CAPN13: variants seen among roughly 807,000 people sequenced by gnomAD.
CAPN13 encodes the protein calpain 13.
A neutral mutation model predicts 98.4 loss-of-function variants in CAPN13; 90 were observed. The observed-to-expected ratio is 0.92, with a 90% CI of 0.77 to 1.09. The LOEUF is 1.09. CAPN13 is among the 50% of genes least tolerant of loss of function. The pLI is 0.00. For synonymous variants in CAPN13, 330 were observed against 305.5 expected, an observed-to-expected ratio of 1.08 and a Z score of -0.84; for missense variants, 887 against 841.3, an observed-to-expected ratio of 1.05 and a Z score of -0.67.
At chr2:30,741,647 C>T in intron 15 of CAPN13, 1 of 1,316,960 alleles carries the variant, frequency 7.6e-7, no homozygotes. Flanking sequence ...ATGCACCTCA[C>T]ACCCCATAAT....
intron 6 of CAPN13, among the ~76,000 whole-genome samples, chr2:30,763,534 G>A (rs181385214): frequency 3.7e-4 from 56 of 152,350 alleles, no homozygotes; most frequent in African/African-American, 1.3e-3. Context: ...CTGCATCTTG[G>A]GCTTCTGGTG....
chr2:30,757,975 C>T (rs1672542258), intron 8 of CAPN13, 71 bp downstream of exon 8: 2 of 1,209,674 alleles, frequency 1.7e-6, no homozygotes, highest in Non-Finnish European at 2.3e-6. Context: ...AGCCCCTGCT[C>T]TCATGGGCAG....
chr2:30,782,213 T>G (rs2030384), intron 2 of CAPN13, among the ~76,000 whole-genome samples: 116,003 of 151,854 alleles, frequency 0.76, 44,962 homozygotes, highest in African/African-American at 0.89. Context: ...ACAGCACTCT[T>G]CATATTTCTG....
chr2:30,789,256 A>T (rs1365686274), intron 1 of CAPN13, among the ~76,000 whole-genome samples: 4 of 152,244 alleles, frequency 2.6e-5, no homozygotes, highest in Non-Finnish European at 5.9e-5. Flanking sequence ...AGAGTTGTGA[A>T]AATCATGGGT....
intron 1 of CAPN13, among the ~76,000 whole-genome samples, chr2:30,805,740 G>T (rs566807319): frequency 2.3e-5 from 1 of 44,300 alleles, no homozygotes; most frequent in African/African-American, 1.1e-4. Flanking sequence ...AGGGCCAGTA[G>T]GTTGGTCTTT....
chr2:30,736,747 A>G (rs1414419232), intron 17 of CAPN13, 176 bp from the exon 18 acceptor site: 4 of 604,834 alleles, frequency 6.6e-6, no homozygotes, highest in Non-Finnish European at 8.8e-6. Context: ...CCTGGCTTAG[A>G]TTTGTTTTAC....
At chr2:30,745,688 C>T (rs1441553505) in intron 12 of CAPN13, 35 bp downstream of exon 12, 1 of 1,595,216 alleles carries the variant, frequency 6.3e-7, no homozygotes. Flanking sequence ...CAGACAGCAG[C>T]AGAGGCGCAG....
intron 7 of CAPN13, among the ~76,000 whole-genome samples, chr2:30,760,545 C>G (rs1482107067): frequency 6.6e-6 from 1 of 152,204 alleles, no homozygotes; most frequent in African/African-American, 2.4e-5. Flanking sequence ...GCCGACTGAG[C>G]TAGGTGCATA....
chr2:30,754,690 CAT>C (rs1469439300), intron 8 of CAPN13, among the ~76,000 whole-genome samples: 1 of 152,176 alleles, frequency 6.6e-6, no homozygotes, highest in Admixed American at 6.5e-5. Context: ...TGAGCGAGAA[CAT>C]GAGGAGTCCC....
At chr2:30,789,457 T>C (rs776110725) in intron 1 of CAPN13, among the ~76,000 whole-genome samples, 1 of 152,242 alleles carries the variant, frequency 6.6e-6, no homozygotes, top group African/African-American at 2.4e-5. Context: ...TAGCCCTTAA[T>C]TGCATATAAA....
At chr2:30,797,920 C>T (rs1222712481) in intron 1 of CAPN13, among the ~76,000 whole-genome samples, 3 of 152,246 alleles carry the variant, frequency 2.0e-5, no homozygotes, top group East Asian at 3.8e-4. Flanking sequence ...TCCTCCTCTG[C>T]TTACCCTGTC....
chr2:30,777,500 C>G, intron 3 of CAPN13, 67 bp downstream of exon 3: 1 of 1,394,156 alleles, frequency 7.2e-7, no homozygotes, highest in Non-Finnish European at 1.0e-6. Flanking sequence ...GGGCAGGACT[C>G]TGTGGGTAAG....
chr2:30,767,305 G>A (rs1367617466), intron 5 of CAPN13, among the ~76,000 whole-genome samples: 1 of 152,104 alleles, frequency 6.6e-6, no homozygotes, highest in African/African-American at 2.4e-5. Flanking sequence ...TGAGGGGTGG[G>A]GGACCTTTTA....
intron 1 of CAPN13, among the ~76,000 whole-genome samples, chr2:30,803,383 C>T (rs899403869): frequency 2.0e-5 from 3 of 152,136 alleles, no homozygotes; most frequent in Non-Finnish European, 2.9e-5. Context: ...CTTGTTCAGT[C>T]CTCTGAACTG....
Position 30,758,091 on chromosome 2 carries a change from G to C in CAPN13, c.821C>G (p.Pro274Arg). The C allele has an allele frequency of 6.2e-7, 1 of 1,610,510 alleles. No homozygotes were observed. Among genetic ancestry groups the C allele is most frequent in the African/African-American group, 1.3e-5 (1 of 74,944 alleles). ...CCATTCGGCCTCGCCCCAGCCCCAG[G>C]GGTTCCACAGGGAGATAATTTCTTC... ...GWEEIISLWNPWGWGEAEWRG... is the reference protein window; with the variant it reads ...GWEEIISLWNRWGWGEAEWRG... The change falls in exon 8 of 23, where the codon CCC becomes CGC. Residue 274 changes from proline (P) to arginine (R), a missense_variant. Coordinates refer to ENST00000295055, the MANE Select transcript of CAPN13 (RefSeq NM_144575.3).
intron 5 of CAPN13, among the ~76,000 whole-genome samples, chr2:30,769,064 T>C (rs1228874643): frequency 6.6e-6 from 1 of 152,088 alleles, no homozygotes; most frequent in African/African-American, 2.4e-5. Context: ...ACCCTGTCTC[T>C]AAGGACTGTC....
At chr2:30,729,090 G>C (rs930992282) in intron 22 of CAPN13, among the ~76,000 whole-genome samples, 24 of 152,214 alleles carry the variant, frequency 1.6e-4, no homozygotes, top group African/African-American at 5.5e-4. Flanking sequence ...TCAGGCCCTT[G>C]AGAAGGTGAA....
intron 18 of CAPN13, 138 bp from the exon 19 acceptor site, chr2:30,734,662 G>A: frequency 1.4e-6 from 1 of 697,760 alleles, no homozygotes; most frequent in East Asian, 2.7e-5. Context: ...GGACACAGTG[G>A]CCACACCTGG....
Position 30,775,901 on chromosome 2 carries a change from TATAATGAGC to T in CAPN13, c.387+20_387+28del. The T allele has an allele frequency of 6.5e-7, 1 of 1,529,164 alleles. No individual in the cohort carries two copies. Among genetic ancestry groups the T allele is most frequent in the Non-Finnish European group, 9.0e-7 (1 of 1,115,798 alleles). The allele number at this position is 1,529,164 out of a possible 1,614,324, so 94.7% of individuals were successfully genotyped here. ...CCTGTACTCACAGAGAACCCCATCA[TATAATGAGC>T]GCTGCAAGGGCACACGTACCCGGAA... On this transcript the variant is annotated intron_variant, in intron 4 of 22. Transcript: ENST00000295055.
Sources: gnomAD v4.1 joint callset for allele counts (sites outside exome capture counted in the v4.1 genomes callset) on GRCh38, gnomAD v4.1.1 for gene constraint, MANE v1.5 for transcripts, NCBI Gene and HGNC (gene_info 2026-07-23, HGNC 2026-07-21) for gene names.